CSTA: variants seen among roughly 807,000 people sequenced by gnomAD.
CSTA encodes cystatin-A.
CSTA carries 9 observed loss-of-function variants against 9.2 expected under a neutral mutation model. That is an observed-to-expected ratio of 0.97 (90% CI 0.59 to 1.70). The LOEUF (loss-of-function observed/expected upper bound fraction) is 1.70, where lower values mean the gene tolerates loss of function less well. Among genes scored for constraint, CSTA ranks in the 40% most tolerant of loss-of-function variants. The pLI, the probability that CSTA is intolerant of heterozygous loss-of-function variation, is 0.00. For synonymous variants in CSTA, 36 were observed against 40.6 expected (o/e 0.89, Z 0.43); for missense variants, 118 against 113.1 (o/e 1.04, Z -0.20).
chr3:122,333,524 A>AAAGAAAGAAAAGAACG (rs1559981517), intron 1 of CSTA, among the ~76,000 whole-genome samples: 1 of 140,246 alleles, frequency 7.1e-6, no homozygotes, highest in East Asian at 2.3e-4. Context: ...GAGAGAGAAG[A>AAAGAAAGAAAAGAACG]AAGAAAGAAA....
In CSTA at chr3:122,337,616, C is replaced by G; in HGVS notation, c.136C>G (p.Gln46Glu). ...ATTGGAAGCTGTGCAGTATAAAACT[C>G]AAGTTGTTGCTGGAACAAATTACTA... ...GKLEAVQYKT[Q>E]VVAGTNYYIK... is the part of the protein sequence containing the mutation. Residue 46 changes from glutamine (Q) to glutamate (E), a missense_variant, in exon 2 of 3, where the codon CAA becomes GAA. Coordinates refer to ENST00000264474, the MANE Select transcript of CSTA (RefSeq NM_005213.4). 1 of 1,612,942 alleles carries G rather than the reference C, an allele frequency of 6.2e-7. No individual in the cohort carries two copies. The highest frequency in any genetic ancestry group is 8.5e-7 in the Non-Finnish European group (1 of 1,179,008).
chr3:122,326,187 T>A (rs1311420333), intron 1 of CSTA, among the ~76,000 whole-genome samples: 1 of 152,044 alleles, frequency 6.6e-6, no homozygotes, highest in Non-Finnish European at 1.5e-5. Context: ...CCTGGCTGAT[T>A]TGGGGGGTTT....
chr3:122,338,915 C>T (rs2075249845), intron 2 of CSTA, among the ~76,000 whole-genome samples: 1 of 152,242 alleles, frequency 6.6e-6, no homozygotes, highest in East Asian at 1.9e-4. Flanking sequence ...CTTGACCACC[C>T]TTTTGCCCTC....
intron 2 of CSTA, among the ~76,000 whole-genome samples, chr3:122,340,749 A>T (rs564393531): frequency 6.6e-6 from 1 of 152,334 alleles, no homozygotes; most frequent in South Asian, 2.1e-4. Context: ...CTTCTCCCTT[A>T]TCAGACTGTA....
At chr3:122,339,339 T>C (rs568191028) in intron 2 of CSTA, among the ~76,000 whole-genome samples, 2 of 152,364 alleles carry the variant, frequency 1.3e-5, no homozygotes, top group South Asian at 4.1e-4. Context: ...TGCACTATTC[T>C]AAGAACAGGG....
chr3:122,337,541 C>A lies in CSTA; in HGVS notation c.67-6C>A, dbSNP rs755244709. 6.3e-7 allele frequency: 1 copy of A among 1,586,542 alleles called. No homozygotes were observed. Among genetic ancestry groups the A allele is most frequent in the African/African-American group, 1.3e-5 (1 of 74,594 alleles). On this transcript the variant is annotated splice_polypyrimidine_tract_variant and splice_region_variant and intron_variant, in intron 1 of 2. Transcript: ENST00000264474. ...GATTATTTGTTTCCTCTTTTCTTTT[C>A]TTTAGGTTAAACCACAGCTTGAAGA...
At chr3:122,326,613 C>T (rs913637622) in intron 1 of CSTA, among the ~76,000 whole-genome samples, 2 of 152,184 alleles carry the variant, frequency 1.3e-5, no homozygotes, top group African/African-American at 4.8e-5. Flanking sequence ...AATCCCATCA[C>T]TCATTCTTGG....
chr3:122,331,685 G>A (rs772201557), intron 1 of CSTA, among the ~76,000 whole-genome samples: 2 of 152,102 alleles, frequency 1.3e-5, no homozygotes, highest in East Asian at 1.9e-4. Context: ...TTAACAACCC[G>A]GACAGGACCC....
At chr3:122,340,864 T>C (rs2075261802) in intron 2 of CSTA, among the ~76,000 whole-genome samples, 1 of 152,110 alleles carries the variant, frequency 6.6e-6, no homozygotes, top group Non-Finnish European at 1.5e-5. Context: ...TAAAATGCTG[T>C]CCTTTGTGCC....
intron 1 of CSTA, among the ~76,000 whole-genome samples, chr3:122,329,506 C>T (rs1224971721): frequency 6.6e-6 from 1 of 151,976 alleles, no homozygotes; most frequent in Non-Finnish European, 1.5e-5. Flanking sequence ...GTTGAGGATG[C>T]AGTGAGCCAT....
chr3:122,332,055 C>A (rs1015628567), intron 1 of CSTA, among the ~76,000 whole-genome samples: 3 of 152,326 alleles, frequency 2.0e-5, no homozygotes, highest in African/African-American at 7.2e-5. Context: ...GGAGGCGGAG[C>A]TCAGGCCATA....
intron 1 of CSTA, among the ~76,000 whole-genome samples, chr3:122,333,532 A>AAAAGAAAGAAGAAAGAAAGAAAGAAAG (rs2075216170): frequency 8.7e-6 from 1 of 114,400 alleles, no homozygotes; most frequent in Non-Finnish European, 2.0e-5. Context: ...AGAAAGAAAG[A>AAAAGAAAGAAGAAAGAAAGAAAGAAAG]AAAGAAAGAA....
chr3:122,338,749 T>G (rs1267298841), intron 2 of CSTA, among the ~76,000 whole-genome samples: 1 of 152,226 alleles, frequency 6.6e-6, no homozygotes, highest in East Asian at 1.9e-4. Context: ...TTAAAAATGA[T>G]TATGTGCAAA....
chr3:122,335,734 C>T (rs573332745), intron 1 of CSTA, among the ~76,000 whole-genome samples: 12 of 152,016 alleles, frequency 7.9e-5, no homozygotes, highest in South Asian at 4.2e-4. Flanking sequence ...CAGGTTCAAG[C>T]AATTCTCCTG....
chr3:122,327,722 A>G (rs931451759), intron 1 of CSTA, among the ~76,000 whole-genome samples: 2 of 118,846 alleles, frequency 1.7e-5, no homozygotes, highest in Non-Finnish European at 3.5e-5. Context: ...TTTACTTCAA[A>G]TTTGTGGCTG....
intron 2 of CSTA, 143 bp from the exon 3 acceptor site, chr3:122,341,296 T>A: frequency 1.2e-6 from 1 of 822,622 alleles, no homozygotes; most frequent in Non-Finnish European, 2.0e-6. Context: ...ACAAAGAGTC[T>A]AAGAATGGTG....
chr3:122,328,045 A>G (rs897270224), intron 1 of CSTA, among the ~76,000 whole-genome samples: 1 of 152,208 alleles, frequency 6.6e-6, no homozygotes, highest in Admixed American at 6.5e-5. Flanking sequence ...ATGAGAGATA[A>G]GTATTAAGAA....
intron 1 of CSTA, among the ~76,000 whole-genome samples, chr3:122,332,471 A>G (rs889159283): frequency 6.6e-6 from 1 of 152,092 alleles, no homozygotes; most frequent in Non-Finnish European, 1.5e-5. Flanking sequence ...TTTGCCATCA[A>G]TATCTTTCTA....
At chr3:122,335,484 T>C (rs571950145) in intron 1 of CSTA, among the ~76,000 whole-genome samples, 140 of 152,308 alleles carry the variant, frequency 9.2e-4, no homozygotes, top group Non-Finnish European at 1.6e-3. Flanking sequence ...ATGTATATGC[T>C]AGAACTGAGA....
Sources: gnomAD v4.1 joint callset for allele counts (sites outside exome capture counted in the v4.1 genomes callset) on GRCh38, gnomAD v4.1.1 for gene constraint, MANE v1.5 for transcripts, NCBI Gene and HGNC (gene_info 2026-07-23, HGNC 2026-07-21) for gene names.